Variants in GALNTL6 observed in about 807,000 individuals in gnomAD.
The protein encoded by GALNTL6 is polypeptide N-acetylgalactosaminyltransferase like 6.
A neutral mutation model predicts 73.7 loss-of-function variants in GALNTL6; 46 were observed. That is an observed-to-expected ratio of 0.62 (90% CI 0.49 to 0.80). The LOEUF (loss-of-function observed/expected upper bound fraction) is 0.80. Ranked by LOEUF, GALNTL6 falls within the 30% of genes least tolerant of loss-of-function variation. The pLI, the probability that GALNTL6 is intolerant of heterozygous loss-of-function variation, is 0.00. For missense variants in GALNTL6, 604 were observed against 755.0 expected, an observed-to-expected ratio of 0.80 and a Z score of 2.34; for synonymous variants, 259 against 263.7, an observed-to-expected ratio of 0.98 and a Z score of 0.17.
intron 2 of GALNTL6, among the ~76,000 whole-genome samples, chr4:172,178,415 C>T (rs137922080): frequency 3.3e-5 from 5 of 152,198 alleles, no homozygotes; most frequent in Admixed American, 6.5e-5. Flanking sequence ...GCTGTTCCTC[C>T]GCTAGCCCCT....
intron 5 of GALNTL6, among the ~76,000 whole-genome samples, chr4:172,408,625 C>T (rs185439319): frequency 8.6e-5 from 13 of 151,802 alleles, no homozygotes; most frequent in African/African-American, 2.9e-4. Context: ...AGATTCTACC[C>T]TCATTGCTGA....
intron 4 of GALNTL6, among the ~76,000 whole-genome samples, chr4:172,322,429 T>C (rs575112508): frequency 2.4e-4 from 37 of 152,130 alleles, no homozygotes; most frequent in Non-Finnish European, 4.6e-4. Flanking sequence ...TGAAGACAAA[T>C]AGAGATTATG....
At chr4:172,925,101 T>A (rs565733871) in intron 8 of GALNTL6, among the ~76,000 whole-genome samples, 30 of 151,700 alleles carry the variant, frequency 2.0e-4, no homozygotes, top group Middle Eastern at 3.4e-3. Flanking sequence ...CTCAATCTCC[T>A]GACCTCGTGA....
chr4:172,443,129 T>C (rs1731894691), intron 5 of GALNTL6, among the ~76,000 whole-genome samples: 3 of 105,366 alleles, frequency 2.8e-5, no homozygotes, highest in South Asian at 5.8e-4. Flanking sequence ...TACATATATA[T>C]ATATATATAT....
chr4:172,643,779 T>C (rs1253381894), intron 5 of GALNTL6, among the ~76,000 whole-genome samples: 1 of 152,012 alleles, frequency 6.6e-6, no homozygotes, highest in African/African-American at 2.4e-5. Flanking sequence ...AATCCTCCAG[T>C]GTATTAATAT....
intron 2 of GALNTL6, among the ~76,000 whole-genome samples, chr4:171,881,841 T>C (rs1205842234): frequency 6.6e-6 from 1 of 152,220 alleles, no homozygotes; most frequent in African/African-American, 2.4e-5. Flanking sequence ...TGTAAAGGAA[T>C]CTTAATTAAG....
At chr4:172,094,894 T>A (rs1026839347) in intron 2 of GALNTL6, among the ~76,000 whole-genome samples, 1 of 151,804 alleles carries the variant, frequency 6.6e-6, no homozygotes. Context: ...ATATCTTGAT[T>A]TTTTTTTGCA....
chr4:172,406,224 T>C lies in GALNTL6; in HGVS notation c.553+57535T>C, dbSNP rs1271498683. 2.0e-5 allele frequency among the ~76,000 whole-genome samples: 3 copies of C among 152,024 alleles called. No homozygotes were observed. The East Asian group carries it at 5.8e-4, about 29-fold the overall frequency. ...TTATTTATTTTGAGAGGGGGTCTTG[T>C]AGTGTTATTCAGAATGAATTCAAAC... On this transcript the variant is annotated intron_variant, in intron 5 of 12. Coordinates refer to ENST00000506823, the MANE Select transcript of GALNTL6 (RefSeq NM_001034845.3).
At chr4:171,921,591 T>C (rs1737789046) in intron 2 of GALNTL6, among the ~76,000 whole-genome samples, 1 of 152,136 alleles carries the variant, frequency 6.6e-6, no homozygotes. Flanking sequence ...AATTGTATTC[T>C]AGGGAAAAGC....
intron 5 of GALNTL6, among the ~76,000 whole-genome samples, chr4:172,361,708 G>A (rs755791205): frequency 6.6e-6 from 1 of 152,104 alleles, no homozygotes; most frequent in East Asian, 1.9e-4. Flanking sequence ...GGGGCACATT[G>A]GTTGAAGAAG....
chr4:172,053,008 T>G (rs1730921465), intron 2 of GALNTL6, among the ~76,000 whole-genome samples: 1 of 152,132 alleles, frequency 6.6e-6, no homozygotes, highest in African/African-American at 2.4e-5. Context: ...GGCAGCACAA[T>G]GAAAGAAACC....
At chr4:172,431,323 A>T (rs1316908808) in intron 5 of GALNTL6, among the ~76,000 whole-genome samples, 2 of 152,152 alleles carry the variant, frequency 1.3e-5, no homozygotes, top group Non-Finnish European at 2.9e-5. Flanking sequence ...TTTCTCTGGT[A>T]TTTGAAGGTA....
At chr4:171,868,208 C>G (rs576826645) in intron 2 of GALNTL6, among the ~76,000 whole-genome samples, 2 of 151,938 alleles carry the variant, frequency 1.3e-5, no homozygotes, top group Non-Finnish European at 2.9e-5. Context: ...AGGCTGGTCT[C>G]GAACTACTGG....
At position 171,960,293 on chromosome 4, in the gene GALNTL6, T is replaced by G. The variant is rs556356451; in HGVS notation, c.138+145575T>G. ...TTTTCTTTTTTTCTCTTATTTTTTTTGGAGATGGAGTCTTACTCTGTTGCC... is the reference window on the plus strand; with the variant it reads ...TTTTCTTTTTTTCTCTTATTTTTTTGGGAGATGGAGTCTTACTCTGTTGCC... On this transcript the variant is annotated intron_variant, in intron 2 of 12. Coordinates refer to ENST00000506823, the MANE Select transcript of GALNTL6 (RefSeq NM_001034845.3). Among the ~76,000 whole-genome samples, 26 of 152,296 alleles carry G rather than the reference T, an allele frequency of 1.7e-4. No individual in the cohort carries two copies. In the South Asian group the frequency reaches 5.4e-3, roughly 32 times the overall value.
rs147872672 is a variant in GALNTL6 at position 172,509,942 on chromosome 4, A to G, written c.553+161253A>G. Reference sequence around the variant, plus strand: ...TATGTGGGCTCTTTTTTGGTTTTATATGAATTTGAGAATTGATTTTTCTAG... The same window carrying G: ...TATGTGGGCTCTTTTTTGGTTTTATGTGAATTTGAGAATTGATTTTTCTAG... On this transcript the variant is annotated intron_variant, in intron 5 of 12. Transcript: ENST00000506823. Among the ~76,000 whole-genome samples, 123 of 54,492 alleles carry G rather than the reference A, an allele frequency of 2.3e-3. 48 individuals are homozygous for G. Among genetic ancestry groups the G allele is most frequent in the African/African-American group, 5.6e-3 (123 of 21,860 alleles). 35.7% of individuals were successfully genotyped at this position (54,492 alleles called of 152,430 possible).
intron 5 of GALNTL6, among the ~76,000 whole-genome samples, chr4:172,730,970 C>G (rs949880161): frequency 6.6e-6 from 1 of 151,618 alleles, no homozygotes; most frequent in African/African-American, 2.4e-5. Flanking sequence ...CTCCCAGCTA[C>G]TTGGGAGGCT....
chr4:172,206,805 G>GTTTGTTGTTTTTTTTTTT (rs1554003003), intron 2 of GALNTL6, among the ~76,000 whole-genome samples: 4 of 26,130 alleles, frequency 1.5e-4, no homozygotes, highest in African/African-American at 3.8e-4. Flanking sequence ...TTGTTTTTCT[G>GTTTGTTGTTTTTTTTTTT]TTTTTTTTGT....
intron 5 of GALNTL6, among the ~76,000 whole-genome samples, chr4:172,365,108 C>A (rs1742508151): frequency 6.6e-6 from 1 of 152,116 alleles, no homozygotes; most frequent in African/African-American, 2.4e-5. Context: ...CTGAGAGGGG[C>A]TTCTGGCCAA....
At chr4:171,969,323 T>C (rs1055736911) in intron 2 of GALNTL6, among the ~76,000 whole-genome samples, 3 of 152,228 alleles carry the variant, frequency 2.0e-5, no homozygotes, top group Non-Finnish European at 4.4e-5. Flanking sequence ...GTGTTTGCAC[T>C]ATGGCAAACA....
Sources: gnomAD v4.1 joint callset for allele counts (sites outside exome capture counted in the v4.1 genomes callset) on GRCh38, gnomAD v4.1.1 for gene constraint, MANE v1.5 for transcripts, NCBI Gene and HGNC (gene_info 2026-07-23, HGNC 2026-07-21) for gene names.